ALKBH3: variants seen among roughly 807,000 people sequenced by gnomAD.
ALKBH3 encodes alkB homolog 3, alpha-ketoglutarate dependent dioxygenase.
ALKBH3 carries 51 observed loss-of-function variants against 43.9 expected under a neutral mutation model. That is an observed-to-expected ratio of 1.16 (90% CI 0.93 to 1.47). The LOEUF (loss-of-function observed/expected upper bound fraction) is 1.47. Ranked by LOEUF, ALKBH3 falls within the 40% of genes most tolerant of loss-of-function variation. ALKBH3 has a pLI of 0.00. For missense variants in ALKBH3, 361 were observed against 351.9 expected (o/e 1.03, Z -0.21); for synonymous variants, 102 against 115.2 (o/e 0.89, Z 0.73).
intron 7 of ALKBH3, chr11:43,898,078 C>G (rs568085520): frequency 9.8e-7 from 1 of 1,023,364 alleles, no homozygotes; most frequent in East Asian, 2.4e-5. Flanking sequence ...CAAGGAGGGG[C>G]TGAGTGGCGA....
intron 8 of ALKBH3, among the ~76,000 whole-genome samples, chr11:43,911,367 T>A (rs1301132498): frequency 3.9e-5 from 6 of 152,194 alleles, no homozygotes; most frequent in Non-Finnish European, 8.8e-5. Flanking sequence ...AGTTGCTGTT[T>A]ACTCAGGTGG....
At chr11:43,903,018 T>C (rs192948834) in intron 8 of ALKBH3, among the ~76,000 whole-genome samples, 46 of 152,338 alleles carry the variant, frequency 3.0e-4, no homozygotes, top group African/African-American at 1.1e-3. Context: ...CTGGTGTGTA[T>C]TGGGTTTCCA....
In ALKBH3 at chr11:43,920,202, G is replaced by A; in HGVS notation, c.*192G>A. 3.5e-6 allele frequency: 2 copies of A among 564,690 alleles called. No homozygotes were observed. Among genetic ancestry groups the A allele is most frequent in the South Asian group, 2.2e-5 (1 of 45,932 alleles). The allele number at this position is 564,690 out of a possible 1,614,324, so 35.0% of individuals were successfully genotyped here. A position where few individuals can be genotyped will look rare whatever the true frequency, so the allele number is the denominator to read the frequency against. The stretch of plus-strand genomic sequence containing the variant: ...TGGTAATAGGTCTACTGTGGGAACA[G>A]TTATCCCTAACCACAGCTCAAAATC... On this transcript the variant is annotated 3_prime_UTR_variant, in exon 10 of 10. Transcript: ENST00000302708.
intron 8 of ALKBH3, among the ~76,000 whole-genome samples, chr11:43,913,997 G>GCA (rs1308299634): frequency 6.6e-6 from 1 of 152,220 alleles, no homozygotes; most frequent in Non-Finnish European, 1.5e-5. Flanking sequence ...TGGCAGAGCA[G>GCA]CCACCACCTT....
chr11:43,893,711 T>G (rs1239025369), intron 7 of ALKBH3, among the ~76,000 whole-genome samples: 1 of 152,128 alleles, frequency 6.6e-6, no homozygotes, highest in African/African-American at 2.4e-5. Context: ...GGTGGAAGGA[T>G]TGCTTGAGGC....
At chr11:43,892,940 A>G (rs11825486) in intron 7 of ALKBH3, among the ~76,000 whole-genome samples, 3,873 of 152,314 alleles carry the variant, frequency 0.025, 90 homozygotes, top group African/African-American at 0.063. Context: ...AGATAGCTGC[A>G]TGCTTTGGTT....
At chr11:43,883,447 A>G (rs1361341369) in intron 3 of ALKBH3, among the ~76,000 whole-genome samples, 1 of 152,140 alleles carries the variant, frequency 6.6e-6, no homozygotes, top group African/African-American at 2.4e-5. Context: ...GCTTGCTTGC[A>G]TTGGTTATTT....
chr11:43,919,903 T>G lies in ALKBH3; in HGVS notation c.769-15T>G. The G allele has an allele frequency of 6.2e-7, 1 of 1,608,232 alleles. No homozygotes were observed. Among genetic ancestry groups the G allele is most frequent in the Middle Eastern group, 1.7e-4 (1 of 6,052 alleles). On this transcript the variant is annotated splice_polypyrimidine_tract_variant and intron_variant, in intron 9 of 9. Coordinates refer to ENST00000302708, the MANE Select transcript of ALKBH3 (RefSeq NM_139178.4). ...TGTGTGTATTTATGTCAGAGTTATG[T>G]GTATTTCCATTTAGCATCGAGTGCC... is the stretch of plus-strand genomic sequence containing the variant.
intron 6 of ALKBH3, among the ~76,000 whole-genome samples, chr11:43,891,051 T>A (rs955859937): frequency 6.6e-6 from 1 of 152,198 alleles, no homozygotes; most frequent in South Asian, 2.1e-4. Context: ...GTATTTTTGA[T>A]CCATGGTTTG....
Position 43,886,505 on chromosome 11 carries a change from G to A in ALKBH3, c.219-101G>A, listed in dbSNP as rs1951747345. On this transcript the variant is annotated intron_variant, in intron 4 of 9. Transcript: ENST00000302708. ...GCCTCTCTCATAACTAAATGACTTTGGTGAGCCAGGACTTTGGCAGTTCAG... is the reference window on the plus strand; with the variant it reads ...GCCTCTCTCATAACTAAATGACTTTAGTGAGCCAGGACTTTGGCAGTTCAG... The A allele has an allele frequency of 8.1e-6, 9 of 1,114,968 alleles. No individual in the cohort carries two copies. In the South Asian group the frequency reaches 1.2e-4, roughly 15 times the overall value. 69.1% of individuals were successfully genotyped at this position (1,114,968 alleles called of 1,614,324 possible).
At chr11:43,898,068 C>G (rs1951832184) in intron 7 of ALKBH3, 2 of 1,007,300 alleles carry the variant, frequency 2.0e-6, no homozygotes, top group Non-Finnish European at 3.2e-6. Flanking sequence ...ATGCTGTCCT[C>G]AAGGAGGGGC....
intron 8 of ALKBH3, among the ~76,000 whole-genome samples, chr11:43,915,074 G>A (rs1467129233): frequency 2.0e-5 from 3 of 151,934 alleles, no homozygotes; most frequent in Non-Finnish European, 4.4e-5. Context: ...CAGGCATGGT[G>A]GCAGGCACCT....
At chr11:43,883,842 C>A (rs1192427949) in intron 3 of ALKBH3, 141 bp from the exon 4 acceptor site, 1 of 872,532 alleles carries the variant, frequency 1.1e-6, no homozygotes. Context: ...AGACAAGGGT[C>A]TCTAGTGGGT....
In ALKBH3 at chr11:43,880,857, C is replaced by G. The variant is rs1368162455; in HGVS notation, c.-393C>G. 1 of 152,152 alleles carries G rather than the reference C, an allele frequency of 6.6e-6. No individual in the cohort carries two copies. Among genetic ancestry groups the G allele is most frequent in the Non-Finnish European group, 1.5e-5 (1 of 68,066 alleles). 9.4% of individuals were successfully genotyped at this position (152,152 alleles called of 1,614,324 possible). A position where few individuals can be genotyped will look rare whatever the true frequency, so the allele number is the denominator to read the frequency against. ...CTCTTAAGGTTCCGATCACAGACTGCGGAGTGGGTCAGGGGCTGCGAGGGC... is the reference window on the plus strand; with the variant it reads ...CTCTTAAGGTTCCGATCACAGACTGGGGAGTGGGTCAGGGGCTGCGAGGGC... On this transcript the variant is annotated 5_prime_UTR_variant, in exon 1 of 10. Coordinates refer to ENST00000302708, the MANE Select transcript of ALKBH3 (RefSeq NM_139178.4).
In ALKBH3 at chr11:43,886,541, C is replaced by CAG; in HGVS notation, c.219-65_219-64insAG. On this transcript the variant is annotated intron_variant, in intron 4 of 9. Coordinates refer to ENST00000302708, the MANE Select transcript of ALKBH3 (RefSeq NM_139178.4). The stretch of plus-strand genomic sequence containing the variant: ...ACTTTGGCAGTTCAGAAGGATAACT[C>CAG]TTCCACTGGGTATAGCATATTGTTT... 2.6e-6 allele frequency: 4 copies of CAG among 1,536,724 alleles called. No individual in the cohort carries two copies. The South Asian group carries it at 3.4e-5, about 13-fold the overall frequency.
At chr11:43,899,226 G>A (rs1338304544) in intron 7 of ALKBH3, 23 of 747,034 alleles carry the variant, frequency 3.1e-5, no homozygotes, top group Middle Eastern at 4.8e-4. Flanking sequence ...CAGTGGGGCC[G>A]TGACTACAGC....
At chr11:43,898,192 C>T in intron 7 of ALKBH3, 1 of 1,210,162 alleles carries the variant, frequency 8.3e-7, no homozygotes, top group Non-Finnish European at 1.2e-6. Context: ...GACTCCGCTG[C>T]AGGAGAGCTG....
Position 43,889,758 on chromosome 11 carries a change from A to C in ALKBH3, c.300A>C (p.Lys100Asn). Residue 100 changes from lysine (K) to asparagine (N), a missense_variant, in exon 6 of 10, where the codon AAA (lysine) becomes AAC (asparagine). By Grantham distance (94) the Lys-to-Asn change is moderately conservative. Coordinates refer to ENST00000302708, the MANE Select transcript of ALKBH3 (RefSeq NM_139178.4). ...VCLYPGFVDV[K>N]EADWILEQLC... The stretch of plus-strand genomic sequence containing the variant: ...TGTATCCTGGCTTTGTTGACGTGAA[A>C]GAAGCTGACTGGATATTGGAACAGC... 1 of 1,614,138 alleles carries C rather than the reference A, an allele frequency of 6.2e-7. No individual in the cohort carries two copies. The highest frequency in any genetic ancestry group is 8.5e-7 in the Non-Finnish European group (1 of 1,179,994).
At chr11:43,884,644 GAT>G (rs1387864878) in intron 4 of ALKBH3, among the ~76,000 whole-genome samples, 1 of 152,162 alleles carries the variant, frequency 6.6e-6, no homozygotes, top group East Asian at 1.9e-4. Flanking sequence ...ATTAGCATCA[GAT>G]ATATGTTCTT....
Sources: allele counts gnomAD v4.1 joint callset (sites outside exome capture counted in the v4.1 genomes callset), GRCh38; gene constraint gnomAD v4.1.1; transcripts MANE v1.5; gene names NCBI Gene and HGNC (gene_info 2026-07-23, HGNC 2026-07-21).